RCOR1: variants seen among roughly 807,000 people sequenced by gnomAD.
RCOR1 encodes REST corepressor.
Under a neutral mutation model 64.0 loss-of-function variants are expected in RCOR1, and 12 were observed. That is an observed-to-expected ratio of 0.19 (90% CI 0.12 to 0.30). RCOR1 has a LOEUF of 0.30. RCOR1 is among the 10% of genes least tolerant of loss of function. RCOR1 has a pLI of 1.00. For synonymous variants in RCOR1, 279 were observed against 227.2 expected (o/e 1.23, Z -2.05); for missense variants, 502 against 621.2 (o/e 0.81, Z 2.04).
rs74084121 is a variant in RCOR1, at chr14:102,699,598, C to T, written c.446-1680C>T. On this transcript the variant is annotated intron_variant, in intron 3 of 11. Coordinates refer to ENST00000262241, the MANE Select transcript of RCOR1 (RefSeq NM_015156.4). ...AGCTCAGACTTTTATTAGGACTCCTCTGTTTACTCTTTGTGTCATAGTGGG... is the reference window on the plus strand; with the variant it reads ...AGCTCAGACTTTTATTAGGACTCCTTTGTTTACTCTTTGTGTCATAGTGGG... 6.1e-3 allele frequency among the ~76,000 whole-genome samples: 923 copies of T among 152,240 alleles called. 10 individuals are homozygous for T. Among genetic ancestry groups the T allele is most frequent in the African/African-American group, 0.021 (890 of 41,536 alleles).
chr14:102,594,475 G>A (rs1304575697), intron 2 of RCOR1, among the ~76,000 whole-genome samples: 1 of 152,160 alleles, frequency 6.6e-6, no homozygotes, highest in African/African-American at 2.4e-5. Context: ...ACTGCACTTT[G>A]AAGTGAAAAT....
At chr14:102,633,621 C>T (rs943758438) in intron 2 of RCOR1, among the ~76,000 whole-genome samples, 1 of 152,158 alleles carries the variant, frequency 6.6e-6, no homozygotes, top group African/African-American at 2.4e-5. Flanking sequence ...CTTACAGCAA[C>T]TTCTGCCTCC....
At position 102,730,160 on chromosome 14, in the gene RCOR1, G is replaced by A. The variant is rs1896343570; in HGVS notation, c.*3654G>A. 1 of 397,650 alleles carries A rather than the reference G, an allele frequency of 2.5e-6. No individual in the cohort carries two copies. Among genetic ancestry groups the A allele is most frequent in the South Asian group, 1.4e-4 (1 of 7,032 alleles). The allele number at this position is 397,650 out of a possible 1,614,324, so 24.6% of individuals were successfully genotyped here. A position where few individuals can be genotyped will look rare whatever the true frequency, so the allele number is the denominator to read the frequency against. On this transcript the variant is annotated 3_prime_UTR_variant, in exon 12 of 12. Transcript: ENST00000262241. ...CTCCTAAAACGAAATTTATACCGGGGTGGATAGTATTCCATTAGGTAGACT... is the reference window on the plus strand; with the variant it reads ...CTCCTAAAACGAAATTTATACCGGGATGGATAGTATTCCATTAGGTAGACT...
rs1164512262 is a variant in RCOR1 at position 102,681,908 on chromosome 14, A to G, written c.375A>G (p.Arg125=). 1.2e-6 allele frequency: 2 copies of G among 1,613,452 alleles called. No homozygotes were observed. The highest frequency in any genetic ancestry group is 1.7e-6 in the Non-Finnish European group (2 of 1,179,542). ...VPDFDPAKLA[R]RSQERDNLGM... Reference sequence around the variant, plus strand: ...CTTTCTCCCAAGCCAAACTGGCAAGACGCAGTCAAGAACGGGACAATCTTG... The same window carrying G: ...CTTTCTCCCAAGCCAAACTGGCAAGGCGCAGTCAAGAACGGGACAATCTTG... Residue 125 remains arginine (R), a synonymous_variant, in exon 3 of 12, where the codon AGA becomes AGG. Coordinates refer to ENST00000262241, the MANE Select transcript of RCOR1 (RefSeq NM_015156.4).
At chr14:102,721,894 C>G (rs573869785) in intron 10 of RCOR1, among the ~76,000 whole-genome samples, 1 of 152,100 alleles carries the variant, frequency 6.6e-6, no homozygotes, top group African/African-American at 2.4e-5. Flanking sequence ...TCTGGACCTG[C>G]GATACCAAAA....
rs117752332 is a variant in RCOR1 at position 102,726,962 on chromosome 14, T to C, written c.*456T>C. 0.02 allele frequency: 3,257 copies of C among 160,740 alleles called. 48 individuals carry two copies. The highest frequency in any genetic ancestry group is 0.031 in the Middle Eastern group (10 of 318). The allele number at this position is 160,740 out of a possible 1,614,324, so 10.0% of individuals were successfully genotyped here. A position where few individuals can be genotyped will look rare whatever the true frequency, so the allele number is the denominator to read the frequency against. On this transcript the variant is annotated 3_prime_UTR_variant, in exon 12 of 12. Transcript: ENST00000262241. The stretch of plus-strand genomic sequence containing the variant: ...CCTGTTGGCCTTCTAGAAAGTTTCT[T>C]TTGTTCTTTTCTGAGACAACCACCT...
intron 2 of RCOR1, among the ~76,000 whole-genome samples, chr14:102,608,696 A>G (rs1343204190): frequency 2.0e-5 from 3 of 151,782 alleles, no homozygotes; most frequent in Non-Finnish European, 4.4e-5. Flanking sequence ...CGGCCTCCCA[A>G]AGTGCTGGGG....
intron 2 of RCOR1, among the ~76,000 whole-genome samples, chr14:102,636,352 A>G (rs747328449): frequency 1.1e-4 from 16 of 151,618 alleles, no homozygotes; most frequent in African/African-American, 3.4e-4. Context: ...ATCTTGGCGC[A>G]CTGCAACCTC....
intron 2 of RCOR1, among the ~76,000 whole-genome samples, chr14:102,638,231 T>A (rs1182800296): frequency 3.9e-5 from 6 of 152,206 alleles, no homozygotes; most frequent in Admixed American, 3.9e-4. Flanking sequence ...TATTAACAAT[T>A]GTGTTTAAAA....
At chr14:102,659,324 C>T (rs1894786342) in intron 2 of RCOR1, 10 of 947,990 alleles carry the variant, frequency 1.1e-5, no homozygotes, top group Admixed American at 6.2e-5. Flanking sequence ...TAGTGAGGTA[C>T]CAGAATCATT....
intron 2 of RCOR1, among the ~76,000 whole-genome samples, chr14:102,639,973 G>A (rs986199404): frequency 2.6e-5 from 4 of 152,160 alleles, no homozygotes; most frequent in African/African-American, 7.2e-5. Context: ...AGCCTCATGA[G>A]CAGCTGGGAT....
At chr14:102,630,672 A>G (rs1363086234) in intron 2 of RCOR1, among the ~76,000 whole-genome samples, 2 of 152,300 alleles carry the variant, frequency 1.3e-5, no homozygotes, top group Non-Finnish European at 1.5e-5. Flanking sequence ...TAAGAAGGGT[A>G]GTGGGGACTG....
chr14:102,677,667 G>A (rs1220127000), intron 2 of RCOR1, among the ~76,000 whole-genome samples: 1 of 129,402 alleles, frequency 7.7e-6, no homozygotes, highest in Non-Finnish European at 1.7e-5. Context: ...GGCGCTCCTC[G>A]CTTCCTAGAT....
chr14:102,635,852 A>G (rs1369587633), intron 2 of RCOR1, among the ~76,000 whole-genome samples: 1 of 152,114 alleles, frequency 6.6e-6, no homozygotes, highest in Non-Finnish European at 1.5e-5. Flanking sequence ...CTAAGGTGGG[A>G]AGATCACTTA....
rs574354875 is a variant in RCOR1, at chr14:102,729,977, C to T, written c.*3471C>T. ...GCCAGGTCACCTAAACCTAGTGGTC[C>T]TGTGCGATGCTCTTTCTGCCAGTCC... is the stretch of plus-strand genomic sequence containing the variant. On this transcript the variant is annotated 3_prime_UTR_variant, in exon 12 of 12. Transcript: ENST00000262241. 2.5e-6 allele frequency: 1 copy of T among 399,036 alleles called. No homozygotes were observed. Among genetic ancestry groups the T allele is most frequent in the South Asian group, 1.3e-4 (1 of 7,864 alleles). 24.7% of individuals were successfully genotyped at this position (399,036 alleles called of 1,614,324 possible).
chr14:102,718,500 A>G (rs1896111900), intron 8 of RCOR1, among the ~76,000 whole-genome samples: 1 of 151,144 alleles, frequency 6.6e-6, no homozygotes, highest in African/African-American at 2.4e-5. Context: ...CTCTGAGTGG[A>G]GAATAAAGTG....
intron 2 of RCOR1, among the ~76,000 whole-genome samples, chr14:102,632,908 C>T (rs759441760): frequency 1.3e-5 from 2 of 151,270 alleles, no homozygotes; most frequent in African/African-American, 2.4e-5. Context: ...AACTCCTGGG[C>T]TCAAGCAGTT....
chr14:102,665,014 T>G (rs79451460), intron 2 of RCOR1, among the ~76,000 whole-genome samples: 10,704 of 152,106 alleles, frequency 0.07, 583 homozygotes, highest in African/African-American at 0.15. Context: ...ACCCTTTTTT[T>G]TTGTTGTTTT....
intron 2 of RCOR1, among the ~76,000 whole-genome samples, chr14:102,654,610 TAA>T (rs1894683216): frequency 6.6e-6 from 1 of 151,946 alleles, no homozygotes; most frequent in Non-Finnish European, 1.5e-5. Context: ...CTGACACCTG[TAA>T]TACCAGCACT....
Sources: gnomAD v4.1 joint callset for allele counts (sites outside exome capture counted in the v4.1 genomes callset) on GRCh38, gnomAD v4.1.1 for gene constraint, MANE v1.5 for transcripts, NCBI Gene and HGNC (gene_info 2026-07-23, HGNC 2026-07-21) for gene names.